The following FAAH2 variants were observed in gnomAD, a reference collection of about 807,000 sequenced individuals.
FAAH2 encodes fatty-acid amide hydrolase 2.
In FAAH2, 60 loss-of-function variants were observed where a neutral mutation model predicts 36.9. The ratio of observed to expected loss-of-function variants is 1.63; its 90% CI spans 1.32 to 2.02. The LOEUF (loss-of-function observed/expected upper bound fraction) is 2.02. FAAH2 is among the 30% of genes most tolerant of loss of function. The pLI is 0.00. For missense variants in FAAH2, 689 were observed against 397.5 expected (o/e 1.73, Z -6.23); for synonymous variants, 214 against 143.8 (o/e 1.49, Z -3.49).
intron 3 of FAAH2, among the ~76,000 whole-genome samples, chrX:57,327,464 C>T (rs999651406): frequency 2.7e-5 from 3 of 109,640 alleles, no homozygotes; most frequent in Non-Finnish European, 5.7e-5. Flanking sequence ...CTCCCCGTGA[C>T]TTTCAGGTAC....
chrX:57,169,672 G>T, the FAAH2 span, among the ~76,000 whole-genome samples: 1 of 97,809 alleles, frequency 1.0e-5, no homozygotes, highest in Non-Finnish European at 2.1e-5. Flanking sequence ...CCAATCAAAA[G>T]TTGTAGGAGA....
the FAAH2 span, among the ~76,000 whole-genome samples, chrX:57,251,598 C>T: frequency 8.9e-6 from 1 of 111,870 alleles, no homozygotes; most frequent in East Asian, 2.8e-4. Flanking sequence ...ACAGAAATCC[C>T]TAAAGACCCC....
intron 3 of FAAH2, among the ~76,000 whole-genome samples, chrX:57,327,428 A>G (rs1055995891): frequency 9.1e-6 from 1 of 109,964 alleles, no homozygotes; most frequent in African/African-American, 3.3e-5. Flanking sequence ...AATATCCTGC[A>G]GAGTGTTTTC....
chrX:57,438,383 T>G (rs758291417), intron 8 of FAAH2, among the ~76,000 whole-genome samples: 1 of 92,120 alleles, frequency 1.1e-5, no homozygotes, highest in African/African-American at 4.0e-5. Context: ...ATATACAAAA[T>G]TATATATATA....
chrX:57,461,147 A>AT (rs1261499226), intron 10 of FAAH2, among the ~76,000 whole-genome samples: 2 of 107,359 alleles, frequency 1.9e-5, no homozygotes, highest in Admixed American at 1.0e-4. Context: ...CAGATTAATA[A>AT]AAAAAAAAAA....
chrX:57,188,327 A>T, the FAAH2 span, among the ~76,000 whole-genome samples: 465 of 111,225 alleles, frequency 4.2e-3, 2 homozygotes, highest in African/African-American at 0.015. Flanking sequence ...TATTTCTTCT[A>T]GATTTTCTAG....
intron 5 of FAAH2, 138 bp downstream of exon 5, chrX:57,341,528 T>A: frequency 1.3e-6 from 1 of 742,572 alleles, no homozygotes; most frequent in South Asian, 4.3e-5. Context: ...AACTAGCTAC[T>A]GTTTATTGAG....
At chrX:57,167,617 A>G in the FAAH2 span, among the ~76,000 whole-genome samples, 28 of 111,497 alleles carry the variant, frequency 2.5e-4, no homozygotes, top group Admixed American at 3.8e-4. Flanking sequence ...GTAAGAATCC[A>G]AGCATCATTC....
chrX:57,182,834 A>G, the FAAH2 span, among the ~76,000 whole-genome samples: 1 of 112,112 alleles, frequency 8.9e-6, no homozygotes, highest in African/African-American at 3.2e-5. Context: ...AATGTGGTAC[A>G]TATACACCAT....
chrX:57,261,171 G>A, the FAAH2 span, among the ~76,000 whole-genome samples: 3 of 111,477 alleles, frequency 2.7e-5, no homozygotes, highest in Non-Finnish European at 5.6e-5. Context: ...ATAAATTTTC[G>A]TAGACCCATG....
the FAAH2 span, among the ~76,000 whole-genome samples, chrX:57,149,362 A>G: frequency 8.9e-6 from 1 of 111,825 alleles, no homozygotes; most frequent in Non-Finnish European, 1.9e-5. Context: ...CCCTGGTAGA[A>G]TTCGGCTGTG....
chrX:57,343,754 A>G (rs1163648723), intron 5 of FAAH2, among the ~76,000 whole-genome samples: 1 of 111,441 alleles, frequency 9.0e-6, no homozygotes, highest in African/African-American at 3.3e-5. Context: ...GGGATCTTAC[A>G]TTTAAATATT....
At chrX:57,474,370 C>T (rs1165004342) in intron 10 of FAAH2, among the ~76,000 whole-genome samples, 1 of 110,547 alleles carries the variant, frequency 9.0e-6, no homozygotes, top group African/African-American at 3.3e-5. Flanking sequence ...GTCCCCCGCC[C>T]CCAACAGGCC....
rs544464967 is a variant in FAAH2, at chrX:57,331,656, C to T, written c.471C>T (p.Ala157=). The T allele has an allele frequency of 5.8e-6, 7 of 1,209,871 alleles. No homozygotes were observed. In the African/African-American group the frequency reaches 1.0e-4, roughly 18 times the overall value. The part of the protein sequence containing the change: ...NRRDAIAKTD[A]TVVALLKGAG... ...GTGATGCCATTGCCAAAACAGATGC[C>T]ACTGTGGTGGCATTACTGAAGGGAG... Residue 157 remains alanine, a synonymous_variant, in exon 4 of 11, where the codon GCC becomes GCT. Coordinates refer to ENST00000374900, the MANE Select transcript of FAAH2 (RefSeq NM_174912.4).
chrX:57,287,106 T>C, intron 1 of FAAH2, 89 bp downstream of exon 1: 1 of 977,311 alleles, frequency 1.0e-6, no homozygotes, highest in South Asian at 2.8e-5. Flanking sequence ...TGGTTTCCTT[T>C]CCATTCTCTA....
the FAAH2 span, among the ~76,000 whole-genome samples, chrX:57,232,711 G>T: frequency 8.9e-6 from 1 of 111,832 alleles, no homozygotes; most frequent in South Asian, 3.7e-4. Flanking sequence ...GTTATAACTG[G>T]TCTATAAATG....
At chrX:57,202,973 C>T in the FAAH2 span, among the ~76,000 whole-genome samples, 1 of 111,905 alleles carries the variant, frequency 8.9e-6, no homozygotes, top group Non-Finnish European at 1.9e-5. Flanking sequence ...TTCTTAAGGT[C>T]CAAGGGCTCT....
Position 57,292,565 on chromosome X carries a change from G to C in FAAH2, c.260G>C (p.Gly87Ala). 8.3e-7 allele frequency: 1 copy of C among 1,208,202 alleles called. No individual in the cohort carries two copies. The highest frequency in any genetic ancestry group is 1.7e-5 in the African/African-American group (1 of 57,697). ...AAGGACGTGAACCCAATGATCAATG[G>C]AATTGTCAAGTACAGGTGAGCATTT... Reference protein sequence around the residue: ...RIKDVNPMINGIVKYRFEEAM... With the variant: ...RIKDVNPMINAIVKYRFEEAM... The change falls in exon 2 of 11, where the codon GGA (glycine) becomes GCA (alanine). Residue 87 changes from glycine to alanine, a missense_variant. By Grantham distance (60) the Gly-to-Ala change is moderately conservative (BLOSUM62 0). Coordinates refer to ENST00000374900, the MANE Select transcript of FAAH2 (RefSeq NM_174912.4).
At chrX:57,303,977 C>A (rs765175452) in intron 2 of FAAH2, among the ~76,000 whole-genome samples, 4 of 111,438 alleles carry the variant, frequency 3.6e-5, no homozygotes, top group African/African-American at 1.3e-4. Context: ...GAGGCTGAGG[C>A]GGGCAGATTA....
Sources: allele counts gnomAD v4.1 joint callset (sites outside exome capture counted in the v4.1 genomes callset), GRCh38; gene constraint gnomAD v4.1.1; transcripts MANE v1.5; gene names NCBI Gene and HGNC (gene_info 2026-07-23, HGNC 2026-07-21).